FCAMR: variants seen among roughly 807,000 people sequenced by gnomAD.
FCAMR encodes the protein high affinity immunoglobulin alpha and immunoglobulin mu Fc receptor.
Under a neutral mutation model 52.2 loss-of-function variants are expected in FCAMR, and 51 were observed. The ratio of observed to expected loss-of-function variants is 0.98; its 90% CI spans 0.78 to 1.23. The LOEUF is 1.23. Ranked by LOEUF, FCAMR falls within the 50% of genes most tolerant of loss-of-function variation. The probability of loss-of-function intolerance (pLI) is 0.00; values close to 1 mark genes in which losing one functional copy is unlikely to be tolerated. For missense variants in FCAMR, 719 were observed against 712.6 expected (o/e 1.01, Z -0.10); for synonymous variants, 282 against 262.0 (o/e 1.08, Z -0.74).
intron 1 of FCAMR, chr1:206,969,106 A>G (rs951637505): frequency 9.9e-6 from 3 of 301,706 alleles, no homozygotes; most frequent in South Asian, 8.4e-5. Context: ...TCATAATTTG[A>G]TTAATATTCA....
rs780391610 is a variant in FCAMR, at chr1:206,962,401, A to G, written c.464T>C (p.Ile155Thr). 3 of 1,614,148 alleles carry G rather than the reference A, an allele frequency of 1.9e-6. No individual in the cohort carries two copies. Among genetic ancestry groups the G allele is most frequent in the Non-Finnish European group, 1.7e-6 (2 of 1,180,020 alleles). Reference protein sequence around the residue: ...LGPPRWICQTIVSTNQYTHHR... With the variant: ...LGPPRWICQTTVSTNQYTHHR... The stretch of plus-strand genomic sequence containing the variant: ...GTGAGTATACTGGTTGGTGGACACA[A>G]TGGTCTGGCAGATCCATCTTGGGGG... Residue 155 changes from isoleucine to threonine, a missense_variant, in exon 5 of 8, where the codon ATT becomes ACT. Ile to Thr is a moderately conservative substitution (Grantham distance 89). Coordinates refer to ENST00000324852, the MANE Select transcript of FCAMR (RefSeq NM_001170631.2).
At chr1:206,965,324 T>G (rs1212048395) in intron 4 of FCAMR, among the ~76,000 whole-genome samples, 1 of 152,234 alleles carries the variant, frequency 6.6e-6, no homozygotes, top group Non-Finnish European at 1.5e-5. Context: ...AATCAACCCT[T>G]GCAAATGCAC....
At chr1:206,965,301 A>T (rs1680661215) in intron 4 of FCAMR, among the ~76,000 whole-genome samples, 1 of 152,236 alleles carries the variant, frequency 6.6e-6, no homozygotes, top group Non-Finnish European at 1.5e-5. Flanking sequence ...TAGAAAGCTG[A>T]TTAAGAATCC....
At chr1:206,960,130 C>T in intron 6 of FCAMR, 1 of 500,718 alleles carries the variant, frequency 2.0e-6, no homozygotes, top group South Asian at 3.4e-5. Context: ...GTGCATCACC[C>T]CCTCTCTCCG....
At chr1:206,959,536 G>A (rs1680407752) in intron 7 of FCAMR, 143 bp downstream of exon 7, 1 of 627,930 alleles carries the variant, frequency 1.6e-6, no homozygotes, top group South Asian at 2.3e-5. Flanking sequence ...AGAAACCAAG[G>A]CCAAGAGTGG....
Position 206,969,890 on chromosome 1 carries a change from GT to G in FCAMR, c.39+196del, listed in dbSNP as rs539285805. On this transcript the variant is annotated intron_variant, in intron 1 of 7. Transcript: ENST00000324852. ...GACTTCTAAGGAACCATGCACTCTG[GT>G]GGGTGTGAGCAGAATAATAGGGAGC... Among the ~76,000 whole-genome samples the G allele has an allele frequency of 2.7e-3, 406 of 152,252 alleles. 1 individual carries two copies. The highest frequency in any genetic ancestry group is 0.014 in the Middle Eastern group (4 of 294).
In FCAMR at chr1:206,970,275, G is replaced by A. The variant is rs1395737911; in HGVS notation, c.-150C>T. ...CAGCTGGAGCTAGCAACGGAAGGTC[G>A]GGGTGCAAGGCGTAGCTCTGCCACT... is the stretch of plus-strand genomic sequence containing the variant. On this transcript the variant is annotated 5_prime_UTR_variant, in exon 1 of 8. Coordinates refer to ENST00000324852, the MANE Select transcript of FCAMR (RefSeq NM_001170631.2). The A allele has an allele frequency of 9.1e-6, 7 of 771,428 alleles. No homozygotes were observed. Among genetic ancestry groups the A allele is most frequent in the African/African-American group, 1.8e-5 (1 of 56,824 alleles). 47.8% of individuals were successfully genotyped at this position (771,428 alleles called of 1,614,324 possible).
At chr1:206,967,904 C>T (rs1043931353) in intron 1 of FCAMR, among the ~76,000 whole-genome samples, 2 of 152,252 alleles carry the variant, frequency 1.3e-5, no homozygotes. Flanking sequence ...TGTATTTCAT[C>T]CCTCTACCAT....
chr1:206,969,780 C>T (rs917864730), intron 1 of FCAMR, among the ~76,000 whole-genome samples: 6 of 152,182 alleles, frequency 3.9e-5, no homozygotes, highest in Admixed American at 3.3e-4. Context: ...TGTTCTGTTC[C>T]TCTCCTCTAC....
intron 4 of FCAMR, among the ~76,000 whole-genome samples, chr1:206,962,912 A>G (rs1680566762): frequency 6.6e-6 from 1 of 152,212 alleles, no homozygotes; most frequent in East Asian, 1.9e-4. Context: ...TCACTCACTC[A>G]GTCACTCCTC....
At position 206,960,538 on chromosome 1, in the gene FCAMR, T is replaced by A; in HGVS notation, c.1338A>T (p.Gly446=). 6.4e-7 allele frequency: 1 copy of A among 1,551,692 alleles called. No homozygotes were observed. Among genetic ancestry groups the A allele is most frequent in the African/African-American group, 1.4e-5 (1 of 73,164 alleles). ...WTSMEAASGE[G]SAAGDLDAAT... ...CAGCATCTAGGTCCCCTGCAGCGCTTCCTTCCCCAGATGCTGCCTCCATGC... is the reference window on the plus strand; with the variant it reads ...CAGCATCTAGGTCCCCTGCAGCGCTACCTTCCCCAGATGCTGCCTCCATGC... The change falls in exon 6 of 8, where the codon GGA becomes GGT. Residue 446 remains glycine, a synonymous_variant. Transcript: ENST00000324852.
intron 6 of FCAMR, 180 bp from the exon 7 acceptor site, chr1:206,959,977 C>T: frequency 1.7e-6 from 1 of 583,700 alleles, no homozygotes; most frequent in Non-Finnish European, 3.0e-6. Context: ...TGTCTTCAGG[C>T]TTCCAAGCCT....
intron 4 of FCAMR, among the ~76,000 whole-genome samples, chr1:206,963,491 C>T (rs867662860): frequency 2.6e-5 from 4 of 152,254 alleles, no homozygotes; most frequent in South Asian, 2.1e-4. Flanking sequence ...AGCTTTCTTT[C>T]GTAATTTCTC....
chr1:206,968,628 C>A (rs13373903), intron 1 of FCAMR, among the ~76,000 whole-genome samples: 27,628 of 152,076 alleles, frequency 0.18, 2,577 homozygotes, highest in East Asian at 0.33. Flanking sequence ...CATGCAAAAC[C>A]ACTGGCCAGT....
chr1:206,959,824 G>A (rs749612508), intron 6 of FCAMR, 27 bp from the exon 7 acceptor site: 23 of 1,549,502 alleles, frequency 1.5e-5, no homozygotes, highest in Non-Finnish European at 3.6e-6. Flanking sequence ...AAGAGCACAG[G>A]GGAGAGGAGG....
rs934243168 is a variant in FCAMR at position 206,967,198 on chromosome 1, T to G, written c.109-86A>C. On this transcript the variant is annotated intron_variant, in intron 2 of 7. Coordinates refer to ENST00000324852, the MANE Select transcript of FCAMR (RefSeq NM_001170631.2). ...TTGAGAGAACAAGCATCTTCTCACT[T>G]TGGGATCTCGGTTTGCTCAGTGCAG... is the stretch of plus-strand genomic sequence containing the variant. 10 of 1,427,278 alleles carry G rather than the reference T, an allele frequency of 7.0e-6. No individual in the cohort carries two copies. The African/African-American group carries it at 1.3e-4, about 18-fold the overall frequency. The allele number at this position is 1,427,278 out of a possible 1,614,324, so 88.4% of individuals were successfully genotyped here.
Position 206,962,444 on chromosome 1 carries a change from A to C in FCAMR, c.421T>G (p.Tyr141Asp). ...CTTGGGGGCCCCAGACGGCACCAGT[A>C]CTTCCTCTGGTGCCTGTTGACAGAT... Reference protein sequence around the residue: ...PSSVNRHQRKYWCRLGPPRWI... With the variant: ...PSSVNRHQRKDWCRLGPPRWI... The change falls in exon 5 of 8, where the codon TAC becomes GAC. Residue 141 changes from tyrosine (Y) to aspartate (D), a missense_variant. Transcript: ENST00000324852. 6.2e-7 allele frequency: 1 copy of C among 1,614,084 alleles called. No individual in the cohort carries two copies. The highest frequency in any genetic ancestry group is 8.5e-7 in the Non-Finnish European group (1 of 1,179,942).
rs999324287 is a variant in FCAMR at position 206,960,991 on chromosome 1, G to C, written c.885C>G (p.Gly295=). 5 of 1,551,796 alleles carry C rather than the reference G, an allele frequency of 3.2e-6. No homozygotes were observed. The African/African-American group carries it at 6.8e-5, about 21-fold the overall frequency. The change falls in exon 6 of 8, where the codon GGC becomes GGG. Residue 295 remains glycine (G), a synonymous_variant. Transcript: ENST00000324852. ...CTTTGACAGAACCCTCTGCCCAGCT[G>C]CCTGTCCCTGGAGCTGCTGGCCTGG... ...GATRPAAPGT[G]SWAEGSVKAP...
intron 7 of FCAMR, 159 bp from the exon 8 acceptor site, chr1:206,958,835 T>C: frequency 2.2e-6 from 2 of 893,578 alleles, no homozygotes; most frequent in Admixed American, 2.2e-5. Context: ...TAGCCCATGA[T>C]AGGGCTTGGA....
Sources: gnomAD v4.1 joint callset for allele counts (sites outside exome capture counted in the v4.1 genomes callset) on GRCh38, gnomAD v4.1.1 for gene constraint, MANE v1.5 for transcripts, NCBI Gene and HGNC (gene_info 2026-07-23, HGNC 2026-07-21) for gene names.